LPP: variants seen among roughly 807,000 people sequenced by gnomAD.
The protein encoded by LPP is lipoma-preferred partner.
Under a neutral mutation model 60.4 loss-of-function variants are expected in LPP, and 38 were observed. That is an observed-to-expected ratio of 0.63 (90% CI 0.49 to 0.83). The LOEUF (loss-of-function observed/expected upper bound fraction) is 0.83. LPP is among the 40% of genes least tolerant of loss of function. The probability of loss-of-function intolerance (pLI) is 0.00; values close to 1 mark genes in which losing one functional copy is unlikely to be tolerated. For missense variants in LPP, 902 were observed against 783.6 expected, an observed-to-expected ratio of 1.15 and a Z score of -1.80; for synonymous variants, 328 against 290.8, an observed-to-expected ratio of 1.13 and a Z score of -1.30.
At chr3:188,280,962 T>A (rs575766310) in intron 2 of LPP, among the ~76,000 whole-genome samples, 1 of 149,372 alleles carries the variant, frequency 6.7e-6, no homozygotes, top group Non-Finnish European at 1.5e-5. Flanking sequence ...TAAGAGGGAA[T>A]CTTGCTGTGT....
intron 9 of LPP, among the ~76,000 whole-genome samples, chr3:188,828,709 T>C (rs7639948): frequency 0.27 from 41,207 of 150,600 alleles, 7,152 homozygotes; most frequent in East Asian, 0.8. Flanking sequence ...TCAGTTTTCT[T>C]GTCTGTTTAT....
In LPP at chr3:188,571,023, G is replaced by A. The variant is rs898702126; in HGVS notation, c.430-38138G>A. Among the ~76,000 whole-genome samples, 4 of 151,998 alleles carry A rather than the reference G, an allele frequency of 2.6e-5. No individual in the cohort carries two copies. The East Asian group carries it at 7.7e-4, about 29-fold the overall frequency. ...AGAGCTACGCTCAAAGCTTTGTATT[G>A]TACCTCCCAAGTAATTGTTCAGTTG... On this transcript the variant is annotated intron_variant, in intron 6 of 11. Coordinates refer to ENST00000617246, the MANE Select transcript of LPP (RefSeq NM_001375462.1).
At chr3:188,237,718 T>C (rs757749638) in intron 2 of LPP, among the ~76,000 whole-genome samples, 29 of 105,794 alleles carry the variant, frequency 2.7e-4, no homozygotes, top group Non-Finnish European at 4.7e-4. Context: ...AAATATTCTG[T>C]AAACCATGCT....
At position 188,175,884 on chromosome 3, in the gene LPP, A is replaced by G. The variant is rs563339533; in HGVS notation, c.-190+21632A>G. Among the ~76,000 whole-genome samples, 8 of 152,094 alleles carry G rather than the reference A, an allele frequency of 5.3e-5. No individual in the cohort carries two copies. In the East Asian group the frequency reaches 1.5e-3, roughly 29 times the overall value. ...TATAGTGACAGAATGCATACCACTG[A>G]GGTGGTAAATGGAAAAAATAAGTGC... On this transcript the variant is annotated intron_variant, in intron 1 of 11. Transcript: ENST00000617246.
chr3:188,252,944 T>C (rs1730411393), intron 2 of LPP, among the ~76,000 whole-genome samples: 2 of 152,120 alleles, frequency 1.3e-5, no homozygotes, highest in Non-Finnish European at 2.9e-5. Context: ...GCTAATTTTT[T>C]GTATTTTTCA....
chr3:188,826,870 T>C (rs1195007436), intron 9 of LPP, among the ~76,000 whole-genome samples: 1 of 152,096 alleles, frequency 6.6e-6, no homozygotes, highest in African/African-American at 2.4e-5. Context: ...CTCTACTACT[T>C]GATATTAAAC....
intron 7 of LPP, among the ~76,000 whole-genome samples, chr3:188,640,734 C>G (rs898237214): frequency 2.7e-5 from 4 of 150,612 alleles, no homozygotes; most frequent in African/African-American, 9.8e-5. Context: ...TTTTTTTAAA[C>G]TTGAATATAT....
intron 6 of LPP, among the ~76,000 whole-genome samples, chr3:188,555,177 GCATTTTTAA>G (rs1829179006): frequency 6.6e-6 from 1 of 152,070 alleles, no homozygotes; most frequent in Non-Finnish European, 1.5e-5. Context: ...CTGGCATCTG[GCATTTTTAA>G]GAAAGAGTGA....
chr3:188,568,425 C>A (rs1290099092), intron 6 of LPP: 1 of 151,988 alleles, frequency 6.6e-6, no homozygotes, highest in Non-Finnish European at 1.5e-5. Context: ...TACATTCACT[C>A]AACCGATATT....
intron 3 of LPP, among the ~76,000 whole-genome samples, chr3:188,377,853 T>C (rs897312957): frequency 6.6e-6 from 1 of 152,204 alleles, no homozygotes; most frequent in African/African-American, 2.4e-5. Context: ...ACCTTTGGTC[T>C]TTGATGATGG....
intron 4 of LPP, among the ~76,000 whole-genome samples, chr3:188,427,736 C>T (rs1486194998): frequency 1.3e-5 from 2 of 152,098 alleles, no homozygotes; most frequent in African/African-American, 4.8e-5. Flanking sequence ...CTACTGAAGC[C>T]TCAGTAATGG....
intron 2 of LPP, among the ~76,000 whole-genome samples, chr3:188,282,742 C>T (rs1369834616): frequency 1.3e-5 from 2 of 152,204 alleles, no homozygotes; most frequent in African/African-American, 4.8e-5. Flanking sequence ...TCATGCTTAG[C>T]TCAAATTCCA....
At chr3:188,526,001 G>A (rs911135436) in intron 6 of LPP, among the ~76,000 whole-genome samples, 3 of 152,156 alleles carry the variant, frequency 2.0e-5, no homozygotes, top group African/African-American at 7.2e-5. Context: ...CTAAAGTCTT[G>A]AAAGGGTTGT....
intron 7 of LPP, among the ~76,000 whole-genome samples, chr3:188,675,337 CTTCATTT>C (rs764075623): frequency 1.3e-5 from 2 of 152,190 alleles, no homozygotes; most frequent in Non-Finnish European, 2.9e-5. Context: ...TAGCCTGGAT[CTTCATTT>C]TTCATTAGTT....
chr3:188,639,834 G>A (rs1221548140), intron 7 of LPP, among the ~76,000 whole-genome samples: 1 of 152,214 alleles, frequency 6.6e-6, no homozygotes, highest in Non-Finnish European at 1.5e-5. Flanking sequence ...TCTCACACCA[G>A]TTGGAATGGC....
intron 8 of LPP, chr3:188,746,406 G>A (rs888148721): frequency 4.2e-6 from 2 of 470,882 alleles, no homozygotes; most frequent in African/African-American, 4.0e-5. Flanking sequence ...TTAGTAGTAT[G>A]GCCACAAATA....
chr3:188,780,787 A>T (rs1345028529), intron 9 of LPP, among the ~76,000 whole-genome samples: 3 of 152,096 alleles, frequency 2.0e-5, no homozygotes, highest in African/African-American at 7.2e-5. Context: ...GATGCAGCCC[A>T]CTGTCCCTTT....
chr3:188,411,417 AC>A (rs1237038212), intron 4 of LPP, among the ~76,000 whole-genome samples: 1 of 152,190 alleles, frequency 6.6e-6, no homozygotes, highest in Non-Finnish European at 1.5e-5. Flanking sequence ...CTGGGTATCT[AC>A]CCAAAGGAAA....
In LPP at chr3:188,526,880, T is replaced by C. The variant is rs1560521589; in HGVS notation, c.429+2093T>C. ...GTTGTAATCTTCTAATAGCCTGTAA[T>C]GTTATATGTGAGGATATGGCCTATA... On this transcript the variant is annotated intron_variant, in intron 6 of 11. Coordinates refer to ENST00000617246, the MANE Select transcript of LPP (RefSeq NM_001375462.1). Among the ~76,000 whole-genome samples, 3 of 152,164 alleles carry C rather than the reference T, an allele frequency of 2.0e-5. No individual in the cohort carries two copies. The South Asian group carries it at 6.2e-4, about 32-fold the overall frequency.
Sources: gnomAD v4.1 joint callset for allele counts (sites outside exome capture counted in the v4.1 genomes callset) on GRCh38, gnomAD v4.1.1 for gene constraint, MANE v1.5 for transcripts, NCBI Gene and HGNC (gene_info 2026-07-23, HGNC 2026-07-21) for gene names.